The following HS6ST3 variants were observed in gnomAD, a reference collection of about 807,000 sequenced individuals.
HS6ST3 encodes the protein heparan-sulfate 6-O-sulfotransferase 3.
A neutral mutation model predicts 36.7 loss-of-function variants in HS6ST3; 12 were observed. The ratio of observed to expected loss-of-function variants is 0.33; its 90% confidence interval spans 0.21 to 0.53. HS6ST3 has a LOEUF of 0.53. Among genes scored for constraint, HS6ST3 ranks in the 20% least tolerant of loss-of-function variants. HS6ST3 has a pLI of 0.95. For missense variants in HS6ST3, 584 were observed against 640.9 expected (o/e 0.91, Z 0.96); for synonymous variants, 240 against 257.5 (o/e 0.93, Z 0.65).
At chr13:96,539,708 T>C (rs1566390956) in intron 1 of HS6ST3, among the ~76,000 whole-genome samples, 5 of 152,212 alleles carry the variant, frequency 3.3e-5, no homozygotes. Context: ...CATTTTAATT[T>C]ATTCCTGGAA....
intron 1 of HS6ST3, among the ~76,000 whole-genome samples, chr13:96,637,888 A>G (rs932605795): frequency 6.6e-6 from 1 of 152,060 alleles, no homozygotes; most frequent in Admixed American, 6.6e-5. Flanking sequence ...GGTTCCTTGT[A>G]ATGAGTTGAT....
intron 1 of HS6ST3, among the ~76,000 whole-genome samples, chr13:96,616,942 T>G (rs2056476258): frequency 6.6e-6 from 1 of 152,150 alleles, no homozygotes; most frequent in South Asian, 2.1e-4. Context: ...ATTCATGAGA[T>G]AATAGTGGTT....
chr13:96,399,996 C>G (rs1267035510), intron 1 of HS6ST3, among the ~76,000 whole-genome samples: 1 of 152,060 alleles, frequency 6.6e-6, no homozygotes, highest in Non-Finnish European at 1.5e-5. Context: ...TTGGTCTTAT[C>G]ATTTTCACTT....
chr13:96,629,805 A>ATTTGCTACCATTTGCTAAATGCAATGT (rs1328012980), intron 1 of HS6ST3, among the ~76,000 whole-genome samples: 2 of 151,474 alleles, frequency 1.3e-5, no homozygotes, highest in African/African-American at 4.8e-5. Context: ...TTTTTCAATG[A>ATTTGCTACCATTTGCTAAATGCAATGT]TTTGCTACCA....
intron 1 of HS6ST3, among the ~76,000 whole-genome samples, chr13:96,705,588 G>A (rs1875399336): frequency 6.6e-6 from 1 of 152,110 alleles, no homozygotes; most frequent in Non-Finnish European, 1.5e-5. Flanking sequence ...GTCCTTCTAT[G>A]GGCCCATAGG....
At chr13:96,609,030 C>T (rs2056448462) in intron 1 of HS6ST3, among the ~76,000 whole-genome samples, 1 of 152,108 alleles carries the variant, frequency 6.6e-6, no homozygotes, top group South Asian at 2.1e-4. Context: ...AGTGCAGTGG[C>T]ACGATCTCAG....
chr13:96,578,925 A>G (rs1357529923), intron 1 of HS6ST3, among the ~76,000 whole-genome samples: 1 of 152,198 alleles, frequency 6.6e-6, no homozygotes, highest in Non-Finnish European at 1.5e-5. Flanking sequence ...GGCTTGTCTC[A>G]TAATAACCCA....
At chr13:96,647,543 A>T (rs1197663804) in intron 1 of HS6ST3, among the ~76,000 whole-genome samples, 1 of 152,020 alleles carries the variant, frequency 6.6e-6, no homozygotes, top group Non-Finnish European at 1.5e-5. Flanking sequence ...TAAACAAACA[A>T]ACAAAATTTT....
intron 1 of HS6ST3, among the ~76,000 whole-genome samples, chr13:96,154,480 T>A (rs1030287963): frequency 1.3e-5 from 2 of 152,172 alleles, no homozygotes; most frequent in Non-Finnish European, 2.9e-5. Context: ...CATCTATTAA[T>A]GATGGTGATT....
At chr13:96,628,352 T>G (rs947617660) in intron 1 of HS6ST3, among the ~76,000 whole-genome samples, 2 of 152,038 alleles carry the variant, frequency 1.3e-5, no homozygotes, top group Non-Finnish European at 2.9e-5. Flanking sequence ...TTTTAACTTC[T>G]TCATGTTTAT....
chr13:96,740,750 G>A (rs1876417438), intron 1 of HS6ST3, among the ~76,000 whole-genome samples: 1 of 152,144 alleles, frequency 6.6e-6, no homozygotes, highest in Non-Finnish European at 1.5e-5. Context: ...GAGGAAGGTA[G>A]TGCTCCTCAG....
chr13:96,168,196 A>G (rs941978396), intron 1 of HS6ST3, among the ~76,000 whole-genome samples: 7 of 152,058 alleles, frequency 4.6e-5, no homozygotes, highest in African/African-American at 1.7e-4. Flanking sequence ...TGTATGGAGG[A>G]AATGTATGTG....
intron 1 of HS6ST3, among the ~76,000 whole-genome samples, chr13:96,742,670 A>C (rs994114283): frequency 2.0e-5 from 3 of 152,118 alleles, no homozygotes; most frequent in Non-Finnish European, 4.4e-5. Context: ...ACTTGTTTTA[A>C]ATTCTGAGAT....
At chr13:96,582,074 C>T (rs1388597838) in intron 1 of HS6ST3, among the ~76,000 whole-genome samples, 1 of 152,196 alleles carries the variant, frequency 6.6e-6, no homozygotes. Context: ...TCTAGATCTT[C>T]AGATTTTTCA....
intron 1 of HS6ST3, among the ~76,000 whole-genome samples, chr13:96,706,473 A>G (rs1241221040): frequency 6.8e-6 from 1 of 146,124 alleles, no homozygotes; most frequent in Non-Finnish European, 1.5e-5. Flanking sequence ...TTTAAGATGA[A>G]TAAGTGATGA....
intron 1 of HS6ST3, among the ~76,000 whole-genome samples, chr13:96,210,409 G>A (rs1489077941): frequency 1.3e-5 from 2 of 152,128 alleles, no homozygotes; most frequent in Non-Finnish European, 2.9e-5. Flanking sequence ...TGCCAACTTT[G>A]GCGGGTCCTG....
intron 1 of HS6ST3, among the ~76,000 whole-genome samples, chr13:96,213,245 A>G (rs1474304565): frequency 3.3e-5 from 5 of 152,228 alleles, no homozygotes. Flanking sequence ...AGTTTCTATC[A>G]TGTAGCCATA....
At chr13:96,369,634 A>G (rs1287217148) in intron 1 of HS6ST3, among the ~76,000 whole-genome samples, 2 of 152,182 alleles carry the variant, frequency 1.3e-5, no homozygotes, top group Admixed American at 6.5e-5. Flanking sequence ...TAGCAGACAC[A>G]CAACAAGACT....
At chr13:96,254,498 TACACATACATAC>T (rs370877859) in intron 1 of HS6ST3, among the ~76,000 whole-genome samples, 277 of 20,826 alleles carry the variant, frequency 0.013, 21 homozygotes, top group East Asian at 0.032. Flanking sequence ...TATATATATA[TACACATACATAC>T]ACACACACAC....
Sources: allele counts gnomAD v4.1 joint callset (sites outside exome capture counted in the v4.1 genomes callset), GRCh38; gene constraint gnomAD v4.1.1; transcripts MANE v1.5; gene names NCBI Gene and HGNC (gene_info 2026-07-23, HGNC 2026-07-21).